CDH9: variants seen among roughly 807,000 people sequenced by gnomAD.
CDH9 encodes cadherin 9.
CDH9 carries 28 observed loss-of-function variants against 70.9 expected under a neutral mutation model. The ratio of observed to expected loss-of-function variants is 0.40; its 90% CI spans 0.29 to 0.54. The LOEUF (loss-of-function observed/expected upper bound fraction) is 0.54, where lower values mean the gene tolerates loss of function less well. Among genes scored for constraint, CDH9 ranks in the 20% least tolerant of loss-of-function variants. The pLI, the probability that CDH9 is intolerant of heterozygous loss-of-function variation, is 0.59. For missense variants in CDH9, 874 were observed against 984.4 expected, an observed-to-expected ratio of 0.89 and a Z score of 1.50; for synonymous variants, 409 against 343.1, an observed-to-expected ratio of 1.19 and a Z score of -2.12.
At chr5:27,018,445 C>T in intron 1 of CDH9, among the ~76,000 whole-genome samples, 1 of 151,608 alleles carries the variant, frequency 6.6e-6, no homozygotes, top group East Asian at 1.9e-4. Context: ...ACAAAAAGTA[C>T]AGCATTCATT....
chr5:26,959,860 C>T (rs1056743961), intron 2 of CDH9, among the ~76,000 whole-genome samples: 2 of 151,374 alleles, frequency 1.3e-5, no homozygotes, highest in East Asian at 2.0e-4. Flanking sequence ...TGTCAGTGTT[C>T]GGGAACTGGG....
At chr5:26,906,671 T>A (rs1315284985) in intron 4 of CDH9, 48 bp downstream of exon 4, 1 of 1,591,228 alleles carries the variant, frequency 6.3e-7, no homozygotes, top group Non-Finnish European at 8.6e-7. Flanking sequence ...TAATTATGCA[T>A]CTTAATGTAT....
rs1741105322 is a variant in CDH9 at position 26,914,187 on chromosome 5, G to A, written c.523+1443C>T. On this transcript the variant is annotated intron_variant, in intron 3 of 11. Coordinates refer to ENST00000231021, the MANE Select transcript of CDH9 (RefSeq NM_016279.4). The stretch of plus-strand genomic sequence containing the variant: ...GATAAGTGAAAGTTTTATATTGTAA[G>A]GTTTCAACATATCTGGTAAAATAAT... Among the ~76,000 whole-genome samples the A allele has an allele frequency of 2.0e-5, 3 of 151,594 alleles. No homozygotes were observed. In the South Asian group the frequency reaches 6.2e-4, roughly 31 times the overall value.
intron 5 of CDH9, 126 bp from the exon 6 acceptor site, chr5:26,903,950 G>A: frequency 1.8e-6 from 1 of 567,870 alleles, no homozygotes; most frequent in Non-Finnish European, 3.0e-6. Flanking sequence ...TGAATTGTAA[G>A]CTGTCAAAAT....
chr5:26,952,037 G>T (rs894370560), intron 2 of CDH9, among the ~76,000 whole-genome samples: 1 of 145,524 alleles, frequency 6.9e-6, no homozygotes, highest in African/African-American at 2.7e-5. Flanking sequence ...CTGGAGTGCA[G>T]TGGCGCGATG....
intron 1 of CDH9, among the ~76,000 whole-genome samples, chr5:27,015,966 A>T (rs1438648157): frequency 6.6e-6 from 1 of 151,824 alleles, no homozygotes; most frequent in African/African-American, 2.4e-5. Context: ...GACTTAGGTA[A>T]ATAGAAAGAG....
intron 2 of CDH9, among the ~76,000 whole-genome samples, chr5:26,952,650 A>AAG (rs1554000023): frequency 1.4e-5 from 2 of 144,706 alleles, no homozygotes; most frequent in Admixed American, 6.9e-5. Flanking sequence ...AAAAAAAAAA[A>AAG]AAAAAGAAAG....
At chr5:26,934,217 A>T (rs942215244) in intron 2 of CDH9, among the ~76,000 whole-genome samples, 1 of 152,096 alleles carries the variant, frequency 6.6e-6, no homozygotes, top group Non-Finnish European at 1.5e-5. Context: ...AGTAATCCCA[A>T]CATTTTAGGA....
intron 2 of CDH9, among the ~76,000 whole-genome samples, chr5:26,937,632 T>A (rs1741582881): frequency 6.6e-6 from 1 of 152,140 alleles, no homozygotes; most frequent in Non-Finnish European, 1.5e-5. Context: ...AATGGAATAT[T>A]ATTCAGTAAT....
intron 7 of CDH9, among the ~76,000 whole-genome samples, chr5:26,900,416 C>T (rs899825931): frequency 5.3e-5 from 8 of 151,940 alleles, no homozygotes; most frequent in African/African-American, 2.4e-5. Context: ...CTCTTATAAG[C>T]GTCATGCAAA....
intron 1 of CDH9, among the ~76,000 whole-genome samples, chr5:27,019,358 T>C (rs964915687): frequency 1.3e-5 from 2 of 151,956 alleles, no homozygotes; most frequent in Non-Finnish European, 2.9e-5. Context: ...TGATCTTTTG[T>C]TTTTTTCTAA....
intron 2 of CDH9, among the ~76,000 whole-genome samples, chr5:26,961,651 CAAA>C (rs1561019611): frequency 6.6e-6 from 1 of 151,878 alleles, no homozygotes; most frequent in Non-Finnish European, 1.5e-5. Context: ...AATAAATAAA[CAAA>C]ATAAAAAAAC....
At chr5:26,952,458 CAAAAAAAAAAAAAAA>C (rs766973787) in intron 2 of CDH9, among the ~76,000 whole-genome samples, 29 of 9,960 alleles carry the variant, frequency 2.9e-3, no homozygotes, top group African/African-American at 5.6e-3. Context: ...ACTAAAAATA[CAAAAAAAAAAAAAAA>C]AAAAAAAAAA....
intron 11 of CDH9, among the ~76,000 whole-genome samples, chr5:26,882,020 C>A (rs1449056701): frequency 6.6e-6 from 1 of 152,006 alleles, no homozygotes; most frequent in Non-Finnish European, 1.5e-5. Flanking sequence ...AGTATCATTT[C>A]TTAATGATTC....
At chr5:27,001,829 TACACAC>T (rs1318692075) in intron 1 of CDH9, among the ~76,000 whole-genome samples, 1 of 132,892 alleles carries the variant, frequency 7.5e-6, no homozygotes, top group African/African-American at 2.7e-5. Flanking sequence ...GTGCTTAACA[TACACAC>T]ACACACACAC....
intron 11 of CDH9, among the ~76,000 whole-genome samples, chr5:26,883,091 A>G (rs1301442033): frequency 1.3e-3 from 159 of 126,604 alleles, no homozygotes; most frequent in Non-Finnish European, 2.0e-3. Context: ...ATATATATAT[A>G]TATAAAACTG....
intron 3 of CDH9, among the ~76,000 whole-genome samples, chr5:26,908,735 G>C (rs929865329): frequency 1.3e-5 from 2 of 152,192 alleles, no homozygotes; most frequent in Non-Finnish European, 2.9e-5. Context: ...ACTCTATGAT[G>C]TGGCCAAAAA....
chr5:26,955,346 T>C (rs1172785076), intron 2 of CDH9, among the ~76,000 whole-genome samples: 2 of 152,218 alleles, frequency 1.3e-5, no homozygotes, highest in East Asian at 3.9e-4. Flanking sequence ...CATAAGTGTG[T>C]TATCTTGCAA....
At chr5:26,904,986 G>C (rs1369614374) in intron 5 of CDH9, among the ~76,000 whole-genome samples, 1 of 151,940 alleles carries the variant, frequency 6.6e-6, no homozygotes, top group Non-Finnish European at 1.5e-5. Flanking sequence ...CAAAGATTAA[G>C]TTTATGTTAT....
Sources: gnomAD v4.1 joint callset for allele counts (sites outside exome capture counted in the v4.1 genomes callset) on GRCh38, gnomAD v4.1.1 for gene constraint, MANE v1.5 for transcripts, NCBI Gene and HGNC (gene_info 2026-07-23, HGNC 2026-07-21) for gene names.